PRMT9: variants seen among roughly 807,000 people sequenced by gnomAD.
The protein encoded by PRMT9 is protein arginine methyltransferase 9, also known as protein arginine N-methyltransferase 9.
Under a neutral mutation model 83.2 loss-of-function variants are expected in PRMT9, and 59 were observed. The observed-to-expected ratio is 0.71, with a 90% CI of 0.57 to 0.88. The LOEUF (loss-of-function observed/expected upper bound fraction) is 0.88, where lower values mean the gene tolerates loss of function less well. Among genes scored for constraint, PRMT9 ranks in the 40% least tolerant of loss-of-function variants. The pLI, the probability that PRMT9 is intolerant of heterozygous loss-of-function variation, is 0.00. For missense variants in PRMT9, 947 were observed against 1,021.9 expected, an observed-to-expected ratio of 0.93 and a Z score of 1.00; for synonymous variants, 333 against 353.2, an observed-to-expected ratio of 0.94 and a Z score of 0.64.
rs370967368 is a variant in PRMT9, at chr4:147,642,915, T to C, written c.2071A>G (p.Ile691Val). 2 of 1,614,022 alleles carry C rather than the reference T, an allele frequency of 1.2e-6. No individual in the cohort carries two copies. The highest frequency in any genetic ancestry group is 2.7e-5 in the African/African-American group (2 of 74,924). The change falls in exon 10 of 12, where the codon ATC (isoleucine) becomes GTC (valine). Residue 691 changes from isoleucine to valine, a missense_variant. Transcript: ENST00000322396. ...SRCLLQSGGK[I>V]FPQYVLMFGL... ...AACATCAGCACATACTGAGGAAAGA[T>C]CTTGCCTCCAGATTGTAGTAAACAC...
intron 5 of PRMT9, among the ~76,000 whole-genome samples, chr4:147,669,482 G>A (rs1446916172): frequency 1.3e-5 from 2 of 152,084 alleles, no homozygotes; most frequent in East Asian, 1.9e-4. Context: ...GGATGGGGGG[G>A]AAAGGACTGT....
chr4:147,654,753 T>C (rs987200564), intron 8 of PRMT9, among the ~76,000 whole-genome samples, 187 bp from the exon 9 acceptor site: 2 of 152,200 alleles, frequency 1.3e-5, no homozygotes, highest in Non-Finnish European at 2.9e-5. Flanking sequence ...AACTGAAATT[T>C]GAATACTCAA....
chr4:147,654,069 C>T lies in PRMT9; in HGVS notation c.1828G>A (p.Val610Met). ...TLGQVKPYSS[V>M]EKDQHRIALD... is the part of the protein sequence containing the mutation. ...GCAATACGATGCTGGTCTTTCTCCA[C>T]AGAACTGTATGGTTTAACCTGCCCA... Residue 610 changes from valine (V) to methionine (M), a missense_variant, in exon 9 of 12, where the codon GTG becomes ATG. Coordinates refer to ENST00000322396, the MANE Select transcript of PRMT9 (RefSeq NM_138364.4). 6.2e-7 allele frequency: 1 copy of T among 1,614,224 alleles called. No homozygotes were observed. Among genetic ancestry groups the T allele is most frequent in the Non-Finnish European group, 8.5e-7 (1 of 1,180,034 alleles).
intron 9 of PRMT9, among the ~76,000 whole-genome samples, chr4:147,645,047 TA>T (rs2126575133): frequency 6.6e-6 from 1 of 152,328 alleles, no homozygotes; most frequent in Non-Finnish European, 1.5e-5. Context: ...CTAAGTTAAA[TA>T]GAGTAAGAAT....
chr4:147,650,836 C>G (rs1274239572), intron 9 of PRMT9, among the ~76,000 whole-genome samples: 1 of 152,168 alleles, frequency 6.6e-6, no homozygotes, highest in Non-Finnish European at 1.5e-5. Flanking sequence ...GGCACGGTGG[C>G]TCATGCCTGT....
At position 147,660,871 on chromosome 4, in the gene PRMT9, A is replaced by G; in HGVS notation, c.1121T>C (p.Met374Thr). 2 of 1,613,378 alleles carry G rather than the reference A, an allele frequency of 1.2e-6. No individual in the cohort carries two copies. The highest frequency in any genetic ancestry group is 1.7e-6 in the Non-Finnish European group (2 of 1,179,384). The change falls in exon 7 of 12, where the codon ATG becomes ACG. Residue 374 changes from methionine to threonine, a missense_variant. Transcript: ENST00000322396. ...CTGAAGGTTGTTGAAATCTACTGTC[A>G]TAATTTCAAAGCACTCTGTCAAAGC... ...YLALTECFEI[M>T]TVDFNNLQEL...
Position 147,654,114 on chromosome 4 carries a change from G to C in PRMT9, c.1783C>G (p.Pro595Ala). 1 of 1,614,186 alleles carries C rather than the reference G, an allele frequency of 6.2e-7. No homozygotes were observed. The highest frequency in any genetic ancestry group is 8.5e-7 in the Non-Finnish European group (1 of 1,180,028). The part of the protein sequence containing the change: ...LDVSEGFSVL[P>A]VIAGTLGQVK... ...TGCCCAAGTGTGCCAGCAATAACAG[G>C]CAGAACAGAGAAGCCTTCGGACACA... The change falls in exon 9 of 12, where the codon CCT becomes GCT. Residue 595 changes from proline (P) to alanine (A), a missense_variant. Physicochemically the swap from Pro to Ala is conservative, Grantham distance 27. Coordinates refer to ENST00000322396, the MANE Select transcript of PRMT9 (RefSeq NM_138364.4).
Position 147,660,835 on chromosome 4 carries a change from A to AT in PRMT9, c.1146+10dup, listed in dbSNP as rs754571245. 3.1e-6 allele frequency: 5 copies of AT among 1,592,162 alleles called. No individual in the cohort carries two copies. The highest frequency in any genetic ancestry group is 2.2e-5 in the South Asian group (2 of 90,572). Reference sequence around the variant, plus strand: ...TTTAATGCTTGAAAATAGTAACTGAATTTTTTTCACCTGAAGGTTGTTGAA... The same window carrying AT: ...TTTAATGCTTGAAAATAGTAACTGAATTTTTTTTCACCTGAAGGTTGTTGAA... On this transcript the variant is annotated intron_variant, in intron 7 of 11. Transcript: ENST00000322396.
At chr4:147,668,869 G>A (rs535918997) in intron 5 of PRMT9, among the ~76,000 whole-genome samples, 19 of 151,896 alleles carry the variant, frequency 1.3e-4, no homozygotes, top group Admixed American at 8.5e-4. Flanking sequence ...GGCGGATCAC[G>A]AGGTCAGGAG....
chr4:147,667,609 A>C (rs1464688607), intron 6 of PRMT9, among the ~76,000 whole-genome samples: 1 of 152,228 alleles, frequency 6.6e-6, no homozygotes, highest in Non-Finnish European at 1.5e-5. Context: ...TATATAACAA[A>C]GATGAAAAGT....
intron 4 of PRMT9, among the ~76,000 whole-genome samples, chr4:147,671,239 T>C (rs1289298706): frequency 6.6e-6 from 1 of 152,144 alleles, no homozygotes; most frequent in African/African-American, 2.4e-5. Context: ...GAGAGAGCCC[T>C]CCTTCTCAAA....
In PRMT9 at chr4:147,657,869, T is replaced by C. The variant is rs145625390; in HGVS notation, c.1253A>G (p.Asp418Gly). Reference protein sequence around the residue: ...IMVWFVLQLDDEHSLSTSPSE... With the variant: ...IMVWFVLQLDGEHSLSTSPSE... ...AGGACTTGTGGATAAACTATGTTCA[T>C]CATCAAGCTGGAGCACAAACCAAAC... Residue 418 changes from aspartate (D) to glycine (G), a missense_variant, in exon 8 of 12, where the codon GAT becomes GGT. Asp to Gly is a moderately conservative substitution (Grantham distance 94). Transcript: ENST00000322396. 5.5e-5 allele frequency: 88 copies of C among 1,610,600 alleles called. No homozygotes were observed. Among genetic ancestry groups the C allele is most frequent in the Non-Finnish European group, 7.1e-5 (84 of 1,179,480 alleles).
At chr4:147,658,966 C>T in intron 7 of PRMT9, among the ~76,000 whole-genome samples, 1 of 151,906 alleles carries the variant, frequency 6.6e-6, no homozygotes, top group Non-Finnish European at 1.5e-5. Flanking sequence ...GATCACGAGG[C>T]CAGGAGATTG....
chr4:147,646,085 G>T (rs1295389462), intron 9 of PRMT9, among the ~76,000 whole-genome samples: 1 of 152,166 alleles, frequency 6.6e-6, no homozygotes, highest in Non-Finnish European at 1.5e-5. Context: ...ATCTTAATAA[G>T]ATTGCACAGC....
At chr4:147,638,933 C>T (rs201431944) in intron 11 of PRMT9, 27 bp downstream of exon 11, 30 of 1,600,506 alleles carry the variant, frequency 1.9e-5, no homozygotes, top group East Asian at 1.8e-4. Context: ...CAATAACAAA[C>T]GAAATCATTT....
At chr4:147,658,207 G>A (rs763873557) in intron 7 of PRMT9, among the ~76,000 whole-genome samples, 1 of 151,608 alleles carries the variant, frequency 6.6e-6, no homozygotes. Flanking sequence ...ATATATTGCT[G>A]ATATGGAAAG....
intron 5 of PRMT9, 150 bp downstream of exon 5, chr4:147,670,491 T>C: frequency 3.0e-6 from 2 of 657,808 alleles, no homozygotes; most frequent in South Asian, 3.5e-5. Context: ...TAAAAGTTTT[T>C]TGCATAGATT....
chr4:147,672,081 G>A (rs1735773607), intron 4 of PRMT9: 1 of 339,160 alleles, frequency 2.9e-6, no homozygotes, highest in Non-Finnish European at 5.8e-6. Flanking sequence ...AGCCCAAGTG[G>A]AACAAGACAA....
Position 147,683,959 on chromosome 4 carries a change from C to T in PRMT9, c.29G>A (p.Arg10Gln), listed in dbSNP as rs766921728. The T allele has an allele frequency of 1.2e-6, 2 of 1,612,908 alleles. No individual in the cohort carries two copies. The highest frequency in any genetic ancestry group is 4.5e-5 in the East Asian group (2 of 44,868). ...TGCCCCAGCGCCACCCCCGGCGTCT[C>T]GGCGGGACCTGGGCCGCGAGTTCGA... is the stretch of plus-strand genomic sequence containing the variant. MSNSRPRSR[R>Q]DAGGGAGAAG... Residue 10 changes from arginine to glutamine, a missense_variant, in exon 1 of 12, where the codon CGA becomes CAA. Arg to Gln is a conservative substitution (Grantham distance 43). Transcript: ENST00000322396.
Sources: gnomAD v4.1 joint callset for allele counts (sites outside exome capture counted in the v4.1 genomes callset) on GRCh38, gnomAD v4.1.1 for gene constraint, MANE v1.5 for transcripts, NCBI Gene and HGNC (gene_info 2026-07-23, HGNC 2026-07-21) for gene names.